Variants in ADCY2 observed in about 807,000 individuals in gnomAD.
ADCY2 encodes adenylate cyclase 2.
ADCY2 carries 31 observed loss-of-function variants against 125.2 expected under a neutral mutation model. That is an observed-to-expected ratio of 0.25 (90% CI 0.19 to 0.33). ADCY2 has a LOEUF of 0.33. Among genes scored for constraint, ADCY2 ranks in the 10% least tolerant of loss-of-function variants. ADCY2 has a pLI of 1.00. For synonymous variants in ADCY2, 512 were observed against 548.4 expected (o/e 0.93, Z 0.93); for missense variants, 904 against 1,418.2 (o/e 0.64, Z 5.82).
intron 3 of ADCY2, among the ~76,000 whole-genome samples, chr5:7,595,528 C>A (rs941748193): frequency 6.6e-6 from 1 of 152,162 alleles, no homozygotes; most frequent in Admixed American, 6.5e-5. Context: ...TCTCACATAT[C>A]TTCTTGTCGG....
intron 4 of ADCY2, among the ~76,000 whole-genome samples, chr5:7,641,336 G>T (rs1738705002): frequency 6.6e-6 from 1 of 152,152 alleles, no homozygotes; most frequent in South Asian, 2.1e-4. Context: ...AACTAGAGTT[G>T]TAAAAATGCA....
chr5:7,826,486 A>G (rs1184322341), intron 24 of ADCY2: 2 of 638,232 alleles, frequency 3.1e-6, no homozygotes, highest in Non-Finnish European at 2.9e-6. Context: ...TACTGGAGTT[A>G]CTTGAATTTT....
intron 4 of ADCY2, among the ~76,000 whole-genome samples, chr5:7,646,942 G>A (rs1310485414): frequency 6.6e-6 from 1 of 152,156 alleles, no homozygotes; most frequent in South Asian, 2.1e-4. Context: ...GGAACACTTG[G>A]TCTTGGGATT....
chr5:7,741,391 A>G lies in ADCY2; in HGVS notation c.1872-2277A>G, dbSNP rs542705517. ...TTCTCTGGCAAAATGAGGTAATAAT[A>G]CTAACTACTATATAGGATTATTGTG... On this transcript the variant is annotated intron_variant, in intron 14 of 24. Coordinates refer to ENST00000338316, the MANE Select transcript of ADCY2 (RefSeq NM_020546.3). Among the ~76,000 whole-genome samples the G allele has an allele frequency of 5.9e-5, 9 of 152,212 alleles. No individual in the cohort carries two copies. In the East Asian group the frequency reaches 1.7e-3, roughly 29 times the overall value.
chr5:7,424,791 G>A (rs1383521433), intron 2 of ADCY2, among the ~76,000 whole-genome samples: 1 of 152,218 alleles, frequency 6.6e-6, no homozygotes, highest in Non-Finnish European at 1.5e-5. Flanking sequence ...CAGCATTACT[G>A]TTGGGGAATC....
chr5:7,537,636 C>T (rs530406242), intron 3 of ADCY2, among the ~76,000 whole-genome samples: 2 of 152,334 alleles, frequency 1.3e-5, no homozygotes, highest in Admixed American at 1.3e-4. Context: ...CTGCGGGAAC[C>T]CCCAGCCTCA....
intron 2 of ADCY2, among the ~76,000 whole-genome samples, chr5:7,492,416 G>A (rs1374137476): frequency 1.3e-5 from 2 of 152,192 alleles, no homozygotes; most frequent in Non-Finnish European, 2.9e-5. Flanking sequence ...TTGCCATGGG[G>A]AAGTTAGATT....
intron 2 of ADCY2, among the ~76,000 whole-genome samples, chr5:7,443,232 T>C (rs1205863653): frequency 6.6e-6 from 1 of 152,214 alleles, no homozygotes; most frequent in Non-Finnish European, 1.5e-5. Context: ...ACCATGAGTT[T>C]ATGCTAACAT....
chr5:7,426,029 A>G (rs1221095090), intron 2 of ADCY2, among the ~76,000 whole-genome samples: 1 of 152,182 alleles, frequency 6.6e-6, no homozygotes, highest in Non-Finnish European at 1.5e-5. Context: ...AGAAACAAGC[A>G]TGTGACTCAG....
intron 2 of ADCY2, among the ~76,000 whole-genome samples, chr5:7,420,431 C>G (rs1232571763): frequency 6.6e-6 from 1 of 152,036 alleles, no homozygotes; most frequent in Non-Finnish European, 1.5e-5. Context: ...GGGTGTGGGT[C>G]AACAACCTGG....
chr5:7,642,211 G>C (rs943986299), intron 4 of ADCY2, among the ~76,000 whole-genome samples: 10 of 152,012 alleles, frequency 6.6e-5, no homozygotes, highest in Non-Finnish European at 1.5e-4. Flanking sequence ...TTTAATACTA[G>C]TTATTCTGAC....
intron 15 of ADCY2, among the ~76,000 whole-genome samples, chr5:7,753,941 C>G (rs1270431760): frequency 2.0e-5 from 3 of 152,144 alleles, no homozygotes; most frequent in Non-Finnish European, 4.4e-5. Context: ...CGCCTGTCTC[C>G]CTGACCTCTG....
intron 2 of ADCY2, among the ~76,000 whole-genome samples, chr5:7,453,782 C>T (rs887613045): frequency 1.4e-4 from 21 of 152,138 alleles, no homozygotes; most frequent in African/African-American, 4.3e-4. Flanking sequence ...GGCCTGCCAG[C>T]TCTTGGGAGG....
intron 2 of ADCY2, among the ~76,000 whole-genome samples, chr5:7,418,025 A>G (rs977410286): frequency 6.6e-6 from 1 of 151,780 alleles, no homozygotes; most frequent in African/African-American, 2.4e-5. Context: ...TGTTTTTTTG[A>G]CACCATCTGC....
chr5:7,686,944 A>G lies in ADCY2; in HGVS notation c.721-3747A>G, dbSNP rs181723241. Among the ~76,000 whole-genome samples the G allele has an allele frequency of 8.5e-5, 13 of 152,330 alleles. No individual in the cohort carries two copies. The East Asian group carries it at 2.5e-3, about 29-fold the overall frequency. On this transcript the variant is annotated intron_variant, in intron 4 of 24. Transcript: ENST00000338316. ...CCAGCACTGTGATCACCTAGAGGGC[A>G]TATGCACACTCAAAGCATGGACCCT...
intron 17 of ADCY2, among the ~76,000 whole-genome samples, chr5:7,768,535 A>T (rs143037785): frequency 2.5e-4 from 38 of 152,278 alleles, no homozygotes; most frequent in African/African-American, 9.1e-4. Flanking sequence ...CAGGAAAAAA[A>T]TGTATAGCTG....
chr5:7,420,417 C>T (rs1481602361), intron 2 of ADCY2, among the ~76,000 whole-genome samples: 1 of 152,036 alleles, frequency 6.6e-6, no homozygotes, highest in African/African-American at 2.4e-5. Flanking sequence ...AGGGTGGGGA[C>T]CCTGGGTGTG....
intron 3 of ADCY2, among the ~76,000 whole-genome samples, chr5:7,621,415 C>T (rs946258242): frequency 9.9e-5 from 15 of 152,174 alleles, no homozygotes; most frequent in African/African-American, 3.1e-4. Flanking sequence ...TTAGAAATTC[C>T]TCAAAAACAC....
intron 3 of ADCY2, among the ~76,000 whole-genome samples, chr5:7,581,229 A>T: frequency 6.6e-6 from 1 of 152,232 alleles, no homozygotes; most frequent in Admixed American, 6.5e-5. Context: ...ATATGATAAC[A>T]TCATATTGAA....
Sources: allele counts gnomAD v4.1 joint callset (sites outside exome capture counted in the v4.1 genomes callset), GRCh38; gene constraint gnomAD v4.1.1; transcripts MANE v1.5; gene names NCBI Gene and HGNC (gene_info 2026-07-23, HGNC 2026-07-21).